The following ZNF713 variants were observed in gnomAD, a reference collection of about 807,000 sequenced individuals.
ZNF713 encodes zinc finger protein 713.
ZNF713 carries 21 observed loss-of-function variants against 28.7 expected under a neutral mutation model. The ratio of observed to expected loss-of-function variants is 0.73; its 90% CI spans 0.52 to 1.05. ZNF713 has a LOEUF of 1.05. Ranked by LOEUF, ZNF713 falls within the 50% of genes least tolerant of loss-of-function variation. The probability of loss-of-function intolerance (pLI) is 0.00; values close to 1 mark genes in which losing one functional copy is unlikely to be tolerated. For synonymous variants in ZNF713, 167 were observed against 178.0 expected (o/e 0.94, Z 0.49); for missense variants, 458 against 532.4 (o/e 0.86, Z 1.37).
intron 4 of ZNF713, among the ~76,000 whole-genome samples, chr7:55,916,391 C>T (rs1785882140): frequency 6.6e-6 from 1 of 152,232 alleles, no homozygotes. Context: ...TGCCATCTTT[C>T]CTGACCACGC....
intron 4 of ZNF713, among the ~76,000 whole-genome samples, chr7:55,913,309 C>T (rs1355163562): frequency 2.1e-5 from 3 of 144,984 alleles, no homozygotes; most frequent in African/African-American, 7.8e-5. Flanking sequence ...TCAAGTGATT[C>T]TCCTGCCTCA....
intron 4 of ZNF713, among the ~76,000 whole-genome samples, chr7:55,920,796 T>A (rs887971301): frequency 6.8e-6 from 1 of 147,906 alleles, no homozygotes; most frequent in Non-Finnish European, 1.5e-5. Context: ...TTATTTATTT[T>A]TATTAGTAGA....
Position 55,904,981 on chromosome 7 carries a change from C to T in ZNF713, c.-582-1272C>T, listed in dbSNP as rs538384664. On this transcript the variant is annotated intron_variant, in intron 1 of 6. Transcript: ENST00000429591. ...ACCTCAATGATCCACCCACCTCATC[C>T]TCCCAAAGTGCTGGATTACAGGTGT... Among the ~76,000 whole-genome samples the T allele has an allele frequency of 1.1e-3, 167 of 152,256 alleles. 1 individual carries two copies. The highest frequency in any genetic ancestry group is 3.6e-3 in the African/African-American group (151 of 41,548).
At position 55,888,355 on chromosome 7, in the gene ZNF713, C is replaced by T. The variant is rs1785317833; in HGVS notation, c.-583+675C>T. On this transcript the variant is annotated intron_variant, in intron 1 of 6. Coordinates refer to ENST00000429591, the MANE Select transcript of ZNF713 (RefSeq NM_182633.3). Reference sequence around the variant, plus strand: ...TGACACTTTTATTACATTTTGCAGGCGTGTGTATGCTCAGATGTGTTTCTG... The same window carrying T: ...TGACACTTTTATTACATTTTGCAGGTGTGTGTATGCTCAGATGTGTTTCTG... Among the ~76,000 whole-genome samples, 5 of 152,194 alleles carry T rather than the reference C, an allele frequency of 3.3e-5. No individual in the cohort carries two copies. The South Asian group carries it at 1.0e-3, about 32-fold the overall frequency.
chr7:55,939,599 A>G lies in ZNF713; in HGVS notation c.925A>G (p.Thr309Ala). ...IHLIQHQRIH[T>A]GEKPFICNGC... ...TCTCATTCAACATCAGAGAATTCAC[A>G]CAGGAGAAAAGCCTTTTATATGCAA... is the stretch of plus-strand genomic sequence containing the variant. Residue 309 changes from threonine to alanine, a missense_variant, in exon 7 of 7, where the codon ACA becomes GCA. Transcript: ENST00000429591. 6.2e-7 allele frequency: 1 copy of G among 1,614,202 alleles called. No homozygotes were observed. The highest frequency in any genetic ancestry group is 8.5e-7 in the Non-Finnish European group (1 of 1,180,032).
At chr7:55,918,249 A>G (rs1785924366) in intron 4 of ZNF713, 1 of 305,390 alleles carries the variant, frequency 3.3e-6, no homozygotes, top group Non-Finnish European at 6.7e-6. Context: ...CAAGGCCCAC[A>G]GCCCTAGCCG....
chr7:55,909,420 A>G (rs534367433), intron 2 of ZNF713, among the ~76,000 whole-genome samples: 4 of 152,288 alleles, frequency 2.6e-5, no homozygotes, highest in South Asian at 4.1e-4. Flanking sequence ...TACCAGTACC[A>G]TGCTACTTTG....
At chr7:55,937,994 A>G (rs1351331485) in intron 6 of ZNF713, among the ~76,000 whole-genome samples, 1 of 152,094 alleles carries the variant, frequency 6.6e-6, no homozygotes, top group Admixed American at 6.6e-5. Context: ...ACCTGAGGTC[A>G]GGAGTTTGAG....
intron 6 of ZNF713, among the ~76,000 whole-genome samples, chr7:55,925,135 A>G (rs1339510951): frequency 6.6e-6 from 1 of 152,144 alleles, no homozygotes; most frequent in African/African-American, 2.4e-5. Context: ...TGAGTTAGGT[A>G]GTTTCTACTC....
intron 3 of ZNF713, among the ~76,000 whole-genome samples, 151 bp downstream of exon 3, chr7:55,912,219 T>C (rs928692815): frequency 1.3e-5 from 2 of 152,200 alleles, no homozygotes; most frequent in Non-Finnish European, 2.9e-5. Flanking sequence ...CCCTCACCCA[T>C]GTGCTCTCCA....
intron 6 of ZNF713, among the ~76,000 whole-genome samples, chr7:55,934,623 G>C (rs1258517240): frequency 1.3e-5 from 2 of 152,080 alleles, no homozygotes; most frequent in African/African-American, 4.8e-5. Flanking sequence ...TCTCACCTCA[G>C]CCTCCCTAAT....
intron 1 of ZNF713, among the ~76,000 whole-genome samples, chr7:55,890,887 A>G (rs933039937): frequency 8.6e-5 from 13 of 151,672 alleles, no homozygotes; most frequent in African/African-American, 2.9e-4. Context: ...GCGTGGTGGC[A>G]CGTGCCTGAG....
intron 6 of ZNF713, among the ~76,000 whole-genome samples, chr7:55,933,050 A>T (rs1256225740): frequency 2.0e-5 from 3 of 151,444 alleles, no homozygotes; most frequent in Non-Finnish European, 4.4e-5. Flanking sequence ...AGCCTGACTA[A>T]CATGGTGAAA....
Position 55,940,437 on chromosome 7 carries a change from GC to G in ZNF713, c.*432del. On this transcript the variant is annotated 3_prime_UTR_variant, in exon 7 of 7. Transcript: ENST00000429591. ...CTGCGCCTGGCCATAAACTTTCAAT[GC>G]GTAGAAACCAAATTAATTTAGACCT... The G allele has an allele frequency of 1.0e-6, 1 of 987,510 alleles. No individual in the cohort carries two copies. The highest frequency in any genetic ancestry group is 1.2e-6 in the Non-Finnish European group (1 of 831,578). The allele number at this position is 987,510 out of a possible 1,614,324, so 61.2% of individuals were successfully genotyped here. A position where few individuals can be genotyped will look rare whatever the true frequency, so the allele number is the denominator to read the frequency against.
At chr7:55,910,482 T>A (rs1785766048) in intron 2 of ZNF713, among the ~76,000 whole-genome samples, 1 of 152,002 alleles carries the variant, frequency 6.6e-6, no homozygotes, top group African/African-American at 2.4e-5. Context: ...GCTTGGTTTG[T>A]TGAGGGTTTT....
chr7:55,888,656 A>G (rs1394838694), intron 1 of ZNF713, among the ~76,000 whole-genome samples: 1 of 152,154 alleles, frequency 6.6e-6, no homozygotes, highest in African/African-American at 2.4e-5. Context: ...CTGGGATTAC[A>G]GGCATGAGCC....
At chr7:55,934,262 T>C (rs1223581685) in intron 6 of ZNF713, among the ~76,000 whole-genome samples, 1 of 152,104 alleles carries the variant, frequency 6.6e-6, no homozygotes, top group African/African-American at 2.4e-5. Flanking sequence ...ATATATGTAC[T>C]TGCGCACAAA....
At chr7:55,902,923 A>G (rs989613862) in intron 1 of ZNF713, among the ~76,000 whole-genome samples, 1 of 150,512 alleles carries the variant, frequency 6.6e-6, no homozygotes, top group African/African-American at 2.4e-5. Context: ...AACCGGGGAG[A>G]TAAAGGTTAC....
chr7:55,897,461 T>G, intron 1 of ZNF713, among the ~76,000 whole-genome samples: 1 of 152,072 alleles, frequency 6.6e-6, no homozygotes, highest in South Asian at 2.1e-4. Context: ...TTCTTTTTTT[T>G]TCATAGTGAA....
Sources: gnomAD v4.1 joint callset for allele counts (sites outside exome capture counted in the v4.1 genomes callset) on GRCh38, gnomAD v4.1.1 for gene constraint, MANE v1.5 for transcripts, NCBI Gene and HGNC (gene_info 2026-07-23, HGNC 2026-07-21) for gene names.